The following PPP2R5A variants were observed in gnomAD, a reference collection of about 807,000 sequenced individuals.
PPP2R5A encodes the protein serine/threonine-protein phosphatase 2A 56 kDa regulatory subunit alpha isoform.
PPP2R5A carries 25 observed loss-of-function variants against 64.2 expected under a neutral mutation model. The observed-to-expected ratio is 0.39, with a 90% CI of 0.28 to 0.54. The LOEUF (loss-of-function observed/expected upper bound fraction) is 0.54. PPP2R5A is among the 20% of genes least tolerant of loss of function. The pLI, the probability that PPP2R5A is intolerant of heterozygous loss-of-function variation, is 0.67. For synonymous variants in PPP2R5A, 198 were observed against 201.2 expected (o/e 0.98, Z 0.13); for missense variants, 425 against 576.3 (o/e 0.74, Z 2.69).
At chr1:212,352,458 T>G (rs1659904331) in intron 8 of PPP2R5A, among the ~76,000 whole-genome samples, 1 of 151,854 alleles carries the variant, frequency 6.6e-6, no homozygotes, top group African/African-American at 2.4e-5. Flanking sequence ...TTTTGGGTTT[T>G]TTTTTTTTTC....
intron 8 of PPP2R5A, among the ~76,000 whole-genome samples, chr1:212,352,504 C>A (rs565679347): frequency 6.6e-5 from 10 of 151,482 alleles, no homozygotes; most frequent in Non-Finnish European, 1.5e-4. Flanking sequence ...GGATGGAGTG[C>A]AGTAGTACGA....
chr1:212,342,138 G>A, intron 3 of PPP2R5A, 50 bp from the exon 4 acceptor site: 1 of 1,590,656 alleles, frequency 6.3e-7, no homozygotes, highest in Non-Finnish European at 8.6e-7. Flanking sequence ...ATTATTTAGG[G>A]TAATATTCTG....
chr1:212,310,654 A>T (rs1659012263), intron 1 of PPP2R5A, among the ~76,000 whole-genome samples: 1 of 152,216 alleles, frequency 6.6e-6, no homozygotes, highest in Non-Finnish European at 1.5e-5. Context: ...TGCCTCTTCC[A>T]GTGTGGAATC....
Position 212,286,254 on chromosome 1 carries a change from C to T in PPP2R5A, c.144C>T (p.Gly48=). 1 of 1,545,656 alleles carries T rather than the reference C, an allele frequency of 6.5e-7. No individual in the cohort carries two copies. Among genetic ancestry groups the T allele is most frequent in the African/African-American group, 1.4e-5 (1 of 71,400 alleles). The change falls in exon 1 of 13, where the codon GGC becomes GGT. Residue 48 remains glycine, a synonymous_variant. Transcript: ENST00000261461. ...GCTCGTCGCAGTTTCGCAGCCAGGG[C>T]AGCCAGGCAGAGCTGCACCCGCTGC... The part of the protein sequence containing the change: ...SQGSSQFRSQ[G]SQAELHPLPQ...
chr1:212,310,478 GCTAA>G (rs1377696994), intron 1 of PPP2R5A, among the ~76,000 whole-genome samples: 3 of 152,270 alleles, frequency 2.0e-5, no homozygotes, highest in East Asian at 1.9e-4. Flanking sequence ...AAGATGAAGA[GCTAA>G]CTGTTTTATG....
In PPP2R5A at chr1:212,286,204, G is replaced by T; in HGVS notation, c.94G>T (p.Ala32Ser). ...CTTCACCCGGAAATCGGTCCGCAAG[G>T]CGCAGAGGCAGAAGCGCTCCCAGGG... The part of the protein sequence containing the change: ...DGFTRKSVRK[A>S]QRQKRSQGSS... Residue 32 changes from alanine to serine, a missense_variant, in exon 1 of 13, where the codon GCG becomes TCG. Ala to Ser is a moderately conservative substitution (Grantham distance 99, BLOSUM62 1). Around this residue, in one of 4 missense-constraint regions of PPP2R5A, gnomAD observed 104 missense variants for 95.7 expected, o/e 1.09. Transcript: ENST00000261461. The T allele has an allele frequency of 6.3e-7, 1 of 1,581,478 alleles. No individual in the cohort carries two copies.
intron 1 of PPP2R5A, among the ~76,000 whole-genome samples, chr1:212,295,349 A>G (rs1257148080): frequency 6.6e-6 from 1 of 152,244 alleles, no homozygotes; most frequent in Non-Finnish European, 1.5e-5. Context: ...TTGAAAGGGA[A>G]AAAAGACATT....
At chr1:212,316,458 A>G (rs1659154374) in intron 1 of PPP2R5A, among the ~76,000 whole-genome samples, 1 of 152,144 alleles carries the variant, frequency 6.6e-6, no homozygotes, top group African/African-American at 2.4e-5. Context: ...GAACCTCTGT[A>G]CTTAATTGAT....
At chr1:212,320,498 C>T (rs899955053) in intron 1 of PPP2R5A, among the ~76,000 whole-genome samples, 2 of 152,134 alleles carry the variant, frequency 1.3e-5, no homozygotes, top group African/African-American at 4.8e-5. Flanking sequence ...GACAGAGGGG[C>T]TCCTCACTTC....
rs1049412153 is a variant in PPP2R5A, at chr1:212,285,834, A to T, written c.-277A>T. The T allele has an allele frequency of 5.8e-6, 2 of 347,238 alleles. No individual in the cohort carries two copies. The allele number at this position is 347,238 out of a possible 1,614,324, so 21.5% of individuals were successfully genotyped here. On this transcript the variant is annotated 5_prime_UTR_variant, in exon 1 of 13. Coordinates refer to ENST00000261461, the MANE Select transcript of PPP2R5A (RefSeq NM_006243.4). ...CCCGCTCTGCGCGCCCAGAGTCAAC[A>T]ACTTCTTCACCCCCCTCCGCCCCCG... is the stretch of plus-strand genomic sequence containing the variant.
At chr1:212,356,781 G>T (rs547527437) in intron 9 of PPP2R5A, 105 bp downstream of exon 9, 5 of 1,361,250 alleles carry the variant, frequency 3.7e-6, no homozygotes, top group Non-Finnish European at 5.0e-6. Context: ...GCTAAAGAGC[G>T]GGAGATGTAC....
chr1:212,309,542 T>A (rs962969657), intron 1 of PPP2R5A: 13 of 735,488 alleles, frequency 1.8e-5, no homozygotes, highest in Middle Eastern at 5.3e-4. Context: ...CTTCTTTACT[T>A]CTTTAATCAT....
rs564477073 is a variant in PPP2R5A at position 212,346,523 on chromosome 1, C to T, written c.704+590C>T. 1.5e-3 allele frequency among the ~76,000 whole-genome samples: 222 copies of T among 152,136 alleles called. 1 individual carries two copies. The highest frequency in any genetic ancestry group is 5.0e-3 in the African/African-American group (208 of 41,516). On this transcript the variant is annotated intron_variant, in intron 5 of 12. Transcript: ENST00000261461. ...TCTAGATTACTTACAATACTTAATA[C>T]AGTGTGAATGCTGTGCAAATAGATG... is the stretch of plus-strand genomic sequence containing the variant.
chr1:212,325,586 C>T (rs1415100817), intron 1 of PPP2R5A, among the ~76,000 whole-genome samples: 1 of 152,122 alleles, frequency 6.6e-6, no homozygotes, highest in East Asian at 1.9e-4. Flanking sequence ...TCTTAAAACT[C>T]TTTTAGAACG....
At chr1:212,343,848 A>T (rs1659729153) in intron 4 of PPP2R5A, among the ~76,000 whole-genome samples, 1 of 152,198 alleles carries the variant, frequency 6.6e-6, no homozygotes, top group South Asian at 2.1e-4. Context: ...CTAGAGCTTG[A>T]GGTATTTAAG....
At chr1:212,288,012 T>G (rs1571569499) in intron 1 of PPP2R5A, among the ~76,000 whole-genome samples, 1 of 152,142 alleles carries the variant, frequency 6.6e-6, no homozygotes, top group African/African-American at 2.4e-5. Flanking sequence ...TTGATAGGTT[T>G]TGCTTTTATT....
intron 2 of PPP2R5A, among the ~76,000 whole-genome samples, chr1:212,332,832 T>C (rs1659525608): frequency 6.6e-6 from 1 of 152,172 alleles, no homozygotes; most frequent in African/African-American, 2.4e-5. Flanking sequence ...TTAGTAACTT[T>C]TTCCCTCGAA....
intron 1 of PPP2R5A, among the ~76,000 whole-genome samples, chr1:212,301,045 GCT>G: frequency 6.6e-6 from 1 of 152,246 alleles, no homozygotes; most frequent in Middle Eastern, 3.4e-3. Context: ...ACAGGGTCTT[GCT>G]CTGTCACCCA....
intron 1 of PPP2R5A, among the ~76,000 whole-genome samples, chr1:212,295,690 A>C (rs1467355219): frequency 2.0e-5 from 3 of 152,190 alleles, no homozygotes; most frequent in African/African-American, 7.2e-5. Flanking sequence ...TGTCAGGGGA[A>C]GAGAGTCTTT....
Sources: allele counts gnomAD v4.1 joint callset (sites outside exome capture counted in the v4.1 genomes callset), GRCh38; gene constraint gnomAD v4.1.1; regional missense constraint gnomAD v4.1.1; transcripts MANE v1.5; gene names NCBI Gene and HGNC (gene_info 2026-07-23, HGNC 2026-07-21).